Variants in ZFHX3 observed in about 807,000 individuals in gnomAD.
ZFHX3 encodes zinc finger homeobox protein 3.
ZFHX3 carries 42 observed loss-of-function variants against 279.1 expected under a neutral mutation model. The ratio of observed to expected loss-of-function variants is 0.15; its 90% CI spans 0.12 to 0.19. The LOEUF is 0.19. ZFHX3 is among the 10% of genes least tolerant of loss of function. ZFHX3 has a pLI of 1.00. For missense variants in ZFHX3, 4,981 were observed against 4,754.0 expected, an observed-to-expected ratio of 1.05 and a Z score of -1.40; for synonymous variants, 2,293 against 1,957.8, an observed-to-expected ratio of 1.17 and a Z score of -4.52.
At chr16:73,175,338 C>T (rs969128442) in intron 5 of ZFHX3, among the ~76,000 whole-genome samples, 5 of 152,138 alleles carry the variant, frequency 3.3e-5, no homozygotes, top group Non-Finnish European at 7.4e-5. Context: ...TGAGATTGCA[C>T]CACTGCACTC....
At chr16:73,542,340 G>A (rs976159398) in intron 2 of ZFHX3, among the ~76,000 whole-genome samples, 1 of 152,224 alleles carries the variant, frequency 6.6e-6, no homozygotes, top group East Asian at 1.9e-4. Flanking sequence ...ATGTCAGTGC[G>A]ACCTGAGCAT....
intron 4 of ZFHX3, among the ~76,000 whole-genome samples, chr16:72,874,424 G>A (rs1343771423): frequency 6.6e-6 from 1 of 151,826 alleles, no homozygotes; most frequent in Non-Finnish European, 1.5e-5. Flanking sequence ...GTCAGGATGC[G>A]ATCTCCTGAC....
Position 72,793,202 on chromosome 16 carries a change from T to C in ZFHX3, c.9427+53A>G. On this transcript the variant is annotated intron_variant, in intron 9 of 9. Coordinates refer to ENST00000268489, the MANE Select transcript of ZFHX3 (RefSeq NM_006885.4). The surrounding 1 kb of genome is among the most constrained non-coding windows in gnomAD (Gnocchi z 4.3). ...TTTGGGTGGTATCCACATAACAGAATGCTGACTGGGCAGCTATTTAGCCCT... is the reference window on the plus strand; with the variant it reads ...TTTGGGTGGTATCCACATAACAGAACGCTGACTGGGCAGCTATTTAGCCCT... The C allele has an allele frequency of 6.5e-7, 1 of 1,546,210 alleles. No individual in the cohort carries two copies. Among genetic ancestry groups the C allele is most frequent in the Non-Finnish European group, 8.7e-7 (1 of 1,148,370 alleles).
intron 5 of ZFHX3, among the ~76,000 whole-genome samples, chr16:73,185,665 T>C (rs1855125795): frequency 6.6e-6 from 1 of 152,188 alleles, no homozygotes; most frequent in African/African-American, 2.4e-5. Flanking sequence ...CTAATGAATT[T>C]TTGTAATGTA....
At chr16:73,461,436 A>G (rs2018468345) in intron 2 of ZFHX3, among the ~76,000 whole-genome samples, 1 of 152,138 alleles carries the variant, frequency 6.6e-6, no homozygotes, top group South Asian at 2.1e-4. Context: ...TTTTGCTTTT[A>G]TGTGTCAAGT....
At chr16:73,470,433 T>G (rs1361761870) in intron 2 of ZFHX3, among the ~76,000 whole-genome samples, 2 of 152,196 alleles carry the variant, frequency 1.3e-5, no homozygotes, top group African/African-American at 4.8e-5. Flanking sequence ...TGTCCCATGT[T>G]GAGCACAGCA....
intron 3 of ZFHX3, among the ~76,000 whole-genome samples, chr16:73,404,331 CA>C (rs2017317382): frequency 1.3e-5 from 2 of 152,146 alleles, no homozygotes; most frequent in African/African-American, 4.8e-5. Context: ...AATGAACAAT[CA>C]AAATGTAAAA....
intron 2 of ZFHX3, chr16:73,483,273 C>A (rs1011530710): frequency 7.2e-6 from 3 of 414,210 alleles, no homozygotes; most frequent in South Asian, 1.7e-5. Context: ...CAAATGCGTA[C>A]GCATAGACAC....
intron 2 of ZFHX3, among the ~76,000 whole-genome samples, chr16:73,656,031 T>C (rs1039582552): frequency 6.6e-6 from 1 of 152,258 alleles, no homozygotes; most frequent in African/African-American, 2.4e-5. Context: ...TGGAGTATTA[T>C]GCAATGATGA....
intron 1 of ZFHX3, among the ~76,000 whole-genome samples, chr16:73,683,408 T>C (rs1597064393): frequency 1.3e-5 from 2 of 152,320 alleles, no homozygotes; most frequent in African/African-American, 2.4e-5. Flanking sequence ...GTAGACATAG[T>C]CTGTCTTAAT....
At chr16:73,779,778 C>A (rs1359964412) in intron 1 of ZFHX3, among the ~76,000 whole-genome samples, 2 of 152,084 alleles carry the variant, frequency 1.3e-5, no homozygotes, top group African/African-American at 4.8e-5. Context: ...AGGGCAATAG[C>A]GCAATCTCGG....
chr16:73,542,273 G>A (rs906853764), intron 2 of ZFHX3, among the ~76,000 whole-genome samples: 3 of 152,172 alleles, frequency 2.0e-5, no homozygotes, highest in African/African-American at 7.2e-5. Flanking sequence ...GGGTGGGCCT[G>A]GGGCGGGGGC....
intron 1 of ZFHX3, among the ~76,000 whole-genome samples, chr16:73,806,047 T>C (rs1597123925): frequency 6.6e-6 from 1 of 152,244 alleles, no homozygotes; most frequent in South Asian, 2.1e-4. Context: ...GCGAAAGGCA[T>C]CTCTTCACAG....
intron 1 of ZFHX3, among the ~76,000 whole-genome samples, chr16:72,962,690 T>C (rs112817602): frequency 1.5e-4 from 23 of 152,214 alleles, no homozygotes; most frequent in South Asian, 8.3e-4. Context: ...CCCATCAGAA[T>C]CTGCATTTTC....
chr16:73,614,379 G>A (rs895249075), intron 2 of ZFHX3, among the ~76,000 whole-genome samples: 11 of 152,186 alleles, frequency 7.2e-5, no homozygotes, highest in Admixed American at 2.0e-4. Context: ...CTGAAATAGA[G>A]CTTCTTATTT....
At chr16:73,632,761 T>C (rs1053255944) in intron 2 of ZFHX3, among the ~76,000 whole-genome samples, 15 of 149,984 alleles carry the variant, frequency 1.0e-4, no homozygotes, top group Non-Finnish European at 2.2e-4. Flanking sequence ...ATAAAAGCAA[T>C]GGACGAAGTT....
intron 3 of ZFHX3, among the ~76,000 whole-genome samples, chr16:72,945,887 T>C (rs1008514884): frequency 3.9e-5 from 6 of 151,970 alleles, no homozygotes; most frequent in Non-Finnish European, 8.8e-5. Context: ...ACGTAAAATG[T>C]GTAGCTATCT....
upstream of ZFHX3, among the ~76,000 whole-genome samples, chr16:73,064,078 C>T (rs996432610): frequency 3.9e-5 from 6 of 152,104 alleles, no homozygotes; most frequent in Admixed American, 1.3e-4. Flanking sequence ...TTTAGGACGA[C>T]AGCTCTTTCG....
At chr16:73,053,218 A>T (rs554287110) in intron 1 of ZFHX3, among the ~76,000 whole-genome samples, 34 of 151,974 alleles carry the variant, frequency 2.2e-4, no homozygotes, top group Non-Finnish European at 3.8e-4. Flanking sequence ...CCAATTGTAG[A>T]TCACATGGAA....
Sources: gnomAD v4.1 joint callset for allele counts (sites outside exome capture counted in the v4.1 genomes callset) on GRCh38, gnomAD v4.1.1 for gene constraint, Gnocchi (gnomAD v3.1) non-coding constraint, MANE v1.5 for transcripts, NCBI Gene and HGNC (gene_info 2026-07-23, HGNC 2026-07-21) for gene names.